The following ATRNL1 variants were observed in gnomAD, a reference collection of about 807,000 sequenced individuals.
ATRNL1 encodes attractin-like protein 1.
A neutral mutation model predicts 182.7 loss-of-function variants in ATRNL1; 95 were observed. The ratio of observed to expected loss-of-function variants is 0.52; its 90% CI spans 0.44 to 0.62. The LOEUF (loss-of-function observed/expected upper bound fraction) is 0.62. Ranked by LOEUF, ATRNL1 falls within the 20% of genes least tolerant of loss-of-function variation. ATRNL1 has a pLI of 0.00. For synonymous variants in ATRNL1, 576 were observed against 568.3 expected, an observed-to-expected ratio of 1.01 and a Z score of -0.19; for missense variants, 1,471 against 1,679.5, an observed-to-expected ratio of 0.88 and a Z score of 2.17.
At chr10:115,144,001 G>A (rs2143837992) in intron 5 of ATRNL1, among the ~76,000 whole-genome samples, 1 of 145,190 alleles carries the variant, frequency 6.9e-6, no homozygotes, top group African/African-American at 2.6e-5. Flanking sequence ...TTTTTTTTGA[G>A]ACAGAGTCTT....
chr10:115,877,472 A>C (rs574792118), intron 28 of ATRNL1, among the ~76,000 whole-genome samples: 5 of 152,320 alleles, frequency 3.3e-5, no homozygotes, highest in South Asian at 2.1e-4. Flanking sequence ...AGAATATGGA[A>C]GTTTGGGAAA....
chr10:115,536,178 G>T (rs1243454823), intron 25 of ATRNL1, among the ~76,000 whole-genome samples: 2 of 152,190 alleles, frequency 1.3e-5, no homozygotes, highest in African/African-American at 4.8e-5. Context: ...AGAGGTTACT[G>T]CTGTGTTTTT....
chr10:115,927,170 G>A (rs1953261569), intron 28 of ATRNL1, among the ~76,000 whole-genome samples: 1 of 152,056 alleles, frequency 6.6e-6, no homozygotes, highest in South Asian at 2.1e-4. Context: ...AAAACCACAT[G>A]ATTATCTCAA....
At chr10:115,178,999 A>G (rs1554887353) in intron 8 of ATRNL1, among the ~76,000 whole-genome samples, 1 of 151,974 alleles carries the variant, frequency 6.6e-6, no homozygotes, top group African/African-American at 2.4e-5. Flanking sequence ...CTGTGTGTAT[A>G]CTTTCTAGTA....
At chr10:115,676,990 A>G (rs1182053823) in intron 26 of ATRNL1, among the ~76,000 whole-genome samples, 2 of 152,096 alleles carry the variant, frequency 1.3e-5, no homozygotes, top group Non-Finnish European at 2.9e-5. Flanking sequence ...CATACCTCTT[A>G]TTTACAGTAC....
intron 17 of ATRNL1, 144 bp from the exon 18 acceptor site, chr10:115,315,372 CTT>C (rs1854245773): frequency 8.8e-6 from 5 of 568,652 alleles, no homozygotes; most frequent in South Asian, 3.1e-5. Flanking sequence ...ATTGCTGTCT[CTT>C]AAGTATTATT....
At chr10:115,706,908 C>T (rs1316513486) in intron 26 of ATRNL1, among the ~76,000 whole-genome samples, 1 of 151,908 alleles carries the variant, frequency 6.6e-6, no homozygotes, top group Non-Finnish European at 1.5e-5. Flanking sequence ...ACGTCAACAA[C>T]TAAGCATGCT....
chr10:115,508,956 G>A (rs1554981973), intron 24 of ATRNL1, among the ~76,000 whole-genome samples: 1 of 152,026 alleles, frequency 6.6e-6, no homozygotes, highest in African/African-American at 2.4e-5. Context: ...GTAAATGCTT[G>A]ACATCAAAAT....
At chr10:115,883,718 G>C (rs1477911484) in intron 28 of ATRNL1, among the ~76,000 whole-genome samples, 4 of 152,220 alleles carry the variant, frequency 2.6e-5, no homozygotes, top group Non-Finnish European at 5.9e-5. Flanking sequence ...TTATATTTCA[G>C]GAGGAGAGAG....
chr10:115,357,277 A>G (rs914188506), intron 19 of ATRNL1, among the ~76,000 whole-genome samples: 10 of 151,946 alleles, frequency 6.6e-5, no homozygotes, highest in African/African-American at 1.9e-4. Flanking sequence ...ACATTTATTT[A>G]GTACAGTTCA....
At chr10:115,536,410 C>T (rs1024696011) in intron 25 of ATRNL1, among the ~76,000 whole-genome samples, 8 of 152,322 alleles carry the variant, frequency 5.3e-5, no homozygotes, top group Admixed American at 1.3e-4. Flanking sequence ...TAGGACCCTC[C>T]GAGCCAGGTG....
intron 26 of ATRNL1, among the ~76,000 whole-genome samples, chr10:115,594,600 G>C (rs782232756): frequency 2.7e-4 from 41 of 152,196 alleles, no homozygotes; most frequent in Non-Finnish European, 7.3e-5. Context: ...TCCGCCTTCA[G>C]GGTTCAAGTG....
At chr10:115,721,376 G>C (rs923745760) in intron 26 of ATRNL1, among the ~76,000 whole-genome samples, 1 of 152,052 alleles carries the variant, frequency 6.6e-6, no homozygotes, top group Non-Finnish European at 1.5e-5. Context: ...ATATGCATTG[G>C]TATATACATA....
chr10:115,137,525 G>T (rs561893711), intron 5 of ATRNL1, among the ~76,000 whole-genome samples: 1 of 152,154 alleles, frequency 6.6e-6, no homozygotes, highest in Non-Finnish European at 1.5e-5. Context: ...TGGCTGGGGG[G>T]GCCTCACAAT....
chr10:115,098,732 C>T (rs1554863872), intron 1 of ATRNL1, among the ~76,000 whole-genome samples: 2 of 152,082 alleles, frequency 1.3e-5, no homozygotes, highest in African/African-American at 2.4e-5. Context: ...GCTGGGATTA[C>T]AGGCGTGAGC....
chr10:115,350,172 CT>C (rs1856165369), intron 19 of ATRNL1, among the ~76,000 whole-genome samples: 1 of 151,584 alleles, frequency 6.6e-6, no homozygotes, highest in South Asian at 2.1e-4. Flanking sequence ...CCCATCTCTA[CT>C]AAAAATACAA....
At chr10:115,735,614 G>A (rs1161264118) in intron 27 of ATRNL1, among the ~76,000 whole-genome samples, 2 of 151,922 alleles carry the variant, frequency 1.3e-5, no homozygotes, top group Non-Finnish European at 2.9e-5. Flanking sequence ...TTGCACTTTG[G>A]GGCCATTATT....
chr10:115,505,826 C>G lies in ATRNL1; in HGVS notation c.3655-13437C>G, dbSNP rs528277110. Among the ~76,000 whole-genome samples, 60 of 151,672 alleles carry G rather than the reference C, an allele frequency of 4.0e-4. 2 individuals are homozygous for G. Among genetic ancestry groups the G allele is most frequent in the South Asian group, 1.7e-3 (8 of 4,822 alleles). ...TTTAATTAAGCTTAACCACTGAGCT[C>G]CTTTAAAAATTTTTTTAAATCTCAT... On this transcript the variant is annotated intron_variant, in intron 24 of 28. Coordinates refer to ENST00000355044, the MANE Select transcript of ATRNL1 (RefSeq NM_207303.4).
intron 27 of ATRNL1, among the ~76,000 whole-genome samples, chr10:115,748,853 A>C (rs926247017): frequency 1.3e-5 from 2 of 151,946 alleles, no homozygotes; most frequent in East Asian, 3.9e-4. Context: ...TCCCTTAGGA[A>C]TCTTAATTCT....
Sources: allele counts gnomAD v4.1 joint callset (sites outside exome capture counted in the v4.1 genomes callset), GRCh38; gene constraint gnomAD v4.1.1; transcripts MANE v1.5; gene names NCBI Gene and HGNC (gene_info 2026-07-23, HGNC 2026-07-21).